CTDSPL2: variants seen among roughly 807,000 people sequenced by gnomAD.
CTDSPL2 encodes CTD small phosphatase like 2, also known as CTD small phosphatase-like protein 2.
A neutral mutation model predicts 60.0 loss-of-function variants in CTDSPL2; 5 were observed. The observed-to-expected ratio is 0.08, with a 90% CI of 0.04 to 0.18. The LOEUF (loss-of-function observed/expected upper bound fraction) is 0.18, where lower values mean the gene tolerates loss of function less well. CTDSPL2 is among the 10% of genes least tolerant of loss of function. CTDSPL2 has a pLI of 1.00. For synonymous variants in CTDSPL2, 186 were observed against 189.3 expected (o/e 0.98, Z 0.14); for missense variants, 370 against 548.8 (o/e 0.67, Z 3.26).
intron 5 of CTDSPL2, among the ~76,000 whole-genome samples, chr15:44,494,014 A>T (rs1350082990): frequency 6.6e-6 from 1 of 152,168 alleles, no homozygotes; most frequent in Admixed American, 6.5e-5. Context: ...TGCACAAAAG[A>T]TTAATTTTTG....
intron 8 of CTDSPL2, among the ~76,000 whole-genome samples, chr15:44,508,644 C>T (rs982578749): frequency 6.6e-6 from 1 of 152,058 alleles, no homozygotes; most frequent in African/African-American, 2.4e-5. Flanking sequence ...TATGGTCTGC[C>T]GGGCGCTGTG....
At chr15:44,492,418 A>G (rs2081232021) in intron 5 of CTDSPL2, among the ~76,000 whole-genome samples, 1 of 152,232 alleles carries the variant, frequency 6.6e-6, no homozygotes, top group Admixed American at 6.5e-5. Context: ...CAGTGGTTCA[A>G]CTTCCAATTC....
At chr15:44,505,529 G>C (rs1036106968) in intron 8 of CTDSPL2, among the ~76,000 whole-genome samples, 3 of 152,102 alleles carry the variant, frequency 2.0e-5, no homozygotes, top group Non-Finnish European at 4.4e-5. Context: ...AGGTCAGAGA[G>C]TTCGAGACCA....
chr15:44,474,983 T>TAAATAAATAAA (rs1318726518), intron 2 of CTDSPL2, among the ~76,000 whole-genome samples: 5 of 152,116 alleles, frequency 3.3e-5, no homozygotes, highest in Non-Finnish European at 4.4e-5. Flanking sequence ...TGAAAGACAA[T>TAAATAAATAAA]AAATAAATAA....
chr15:44,461,806 G>A (rs1224944823), intron 2 of CTDSPL2, among the ~76,000 whole-genome samples: 1 of 152,124 alleles, frequency 6.6e-6, no homozygotes, highest in Admixed American at 6.5e-5. Flanking sequence ...TGGAAGTAGA[G>A]CATCATAAAG....
intron 2 of CTDSPL2, among the ~76,000 whole-genome samples, chr15:44,468,257 T>C (rs2080736042): frequency 6.6e-6 from 1 of 152,196 alleles, no homozygotes; most frequent in African/African-American, 2.4e-5. Context: ...ATTTAGCTTT[T>C]CTCTTTCTTG....
intron 1 of CTDSPL2, among the ~76,000 whole-genome samples, chr15:44,431,716 GTTTTTT>G (rs886785067): frequency 1.8e-3 from 246 of 133,658 alleles, no homozygotes; most frequent in African/African-American, 6.9e-3. Flanking sequence ...TTGTTTGTTT[GTTTTTT>G]TTTTTTTTTT....
intron 1 of CTDSPL2, chr15:44,449,405 T>G (rs1328184374): frequency 6.6e-6 from 1 of 152,644 alleles, no homozygotes; most frequent in East Asian, 1.9e-4. Flanking sequence ...ACTGCAACTT[T>G]TGCCTCCCTG....
At chr15:44,499,129 G>A (rs2140830148) in intron 7 of CTDSPL2, among the ~76,000 whole-genome samples, 1 of 152,146 alleles carries the variant, frequency 6.6e-6, no homozygotes, top group African/African-American at 2.4e-5. Flanking sequence ...AGACATTGTT[G>A]CCAGGCACGG....
At chr15:44,494,908 T>G (rs2081272550) in intron 5 of CTDSPL2, among the ~76,000 whole-genome samples, 1 of 152,074 alleles carries the variant, frequency 6.6e-6, no homozygotes, top group Non-Finnish European at 1.5e-5. Flanking sequence ...AGATTGAGAC[T>G]CCGCCTCAAC....
At chr15:44,523,707 G>A (rs1055229416) in intron 12 of CTDSPL2, among the ~76,000 whole-genome samples, 2 of 152,190 alleles carry the variant, frequency 1.3e-5, no homozygotes, top group African/African-American at 4.8e-5. Flanking sequence ...AGACCAGCCT[G>A]GCCAACATGG....
chr15:44,509,362 GC>G (rs1250982977), intron 8 of CTDSPL2, among the ~76,000 whole-genome samples: 1 of 151,798 alleles, frequency 6.6e-6, no homozygotes, highest in Non-Finnish European at 1.5e-5. Flanking sequence ...CCACCACCAT[GC>G]CCAGCTAATT....
intron 2 of CTDSPL2, among the ~76,000 whole-genome samples, chr15:44,462,823 A>G (rs2080602579): frequency 7.0e-6 from 1 of 143,714 alleles, no homozygotes; most frequent in Non-Finnish European, 1.5e-5. Flanking sequence ...CCTTTTCCTC[A>G]GCATCCCAAG....
chr15:44,475,293 T>G (rs2080893563), intron 2 of CTDSPL2, among the ~76,000 whole-genome samples: 1 of 152,200 alleles, frequency 6.6e-6, no homozygotes, highest in South Asian at 2.1e-4. Context: ...ATGCAAAGAT[T>G]TATCTCTCTG....
chr15:44,465,928 T>C (rs1409928465), intron 2 of CTDSPL2, among the ~76,000 whole-genome samples: 1 of 150,150 alleles, frequency 6.7e-6, no homozygotes, highest in Non-Finnish European at 1.5e-5. Flanking sequence ...TTGGCCAGGC[T>C]GGTCTTGAAC....
intron 10 of CTDSPL2, among the ~76,000 whole-genome samples, chr15:44,515,748 C>G (rs2081639462): frequency 6.6e-6 from 1 of 152,102 alleles, no homozygotes; most frequent in Non-Finnish European, 1.5e-5. Flanking sequence ...TGGCGCATGC[C>G]TGTAATCCCA....
At chr15:44,505,681 C>T (rs528788552) in intron 8 of CTDSPL2, among the ~76,000 whole-genome samples, 311 of 151,200 alleles carry the variant, frequency 2.1e-3, no homozygotes, top group Non-Finnish European at 3.7e-3. Context: ...TTGCAGTGAG[C>T]CGAAATCGCA....
chr15:44,455,358 A>G (rs1016043229), intron 1 of CTDSPL2, among the ~76,000 whole-genome samples: 1 of 152,204 alleles, frequency 6.6e-6, no homozygotes, highest in African/African-American at 2.4e-5. Context: ...CAATCATGTC[A>G]TCTGCAAACA....
chr15:44,477,133 G>A (rs1404555664), intron 2 of CTDSPL2, among the ~76,000 whole-genome samples: 1 of 152,214 alleles, frequency 6.6e-6, no homozygotes, highest in African/African-American at 2.4e-5. Flanking sequence ...AGAGGCTGAG[G>A]TGGGAGGATC....
Sources: gnomAD v4.1 joint callset for allele counts (sites outside exome capture counted in the v4.1 genomes callset) on GRCh38, gnomAD v4.1.1 for gene constraint, MANE v1.5 for transcripts, NCBI Gene and HGNC (gene_info 2026-07-23, HGNC 2026-07-21) for gene names.